Variants in FLYWCH2 observed in about 807,000 individuals in gnomAD.
FLYWCH2 encodes FLYWCH family member 2.
Under a neutral mutation model 6.0 loss-of-function variants are expected in FLYWCH2, and 2 were observed. The ratio of observed to expected loss-of-function variants is 0.33; its 90% CI spans 0.14 to 1.04. The LOEUF (loss-of-function observed/expected upper bound fraction) is 1.04, where lower values mean the gene tolerates loss of function less well. Among genes scored for constraint, FLYWCH2 ranks in the 50% least tolerant of loss-of-function variants. The pLI, the probability that FLYWCH2 is intolerant of heterozygous loss-of-function variation, is 0.45. For synonymous variants in FLYWCH2, 87 were observed against 79.3 expected (o/e 1.10, Z -0.52); for missense variants, 192 against 183.4 (o/e 1.05, Z -0.27).
chr16:2,884,562 A>AAAAAAAAAAC lies in FLYWCH2; in HGVS notation c.-200+1205_-200+1206insCAAAAAAAAA, dbSNP rs2069675417. Among the ~76,000 whole-genome samples the AAAAAAAAAAC allele has an allele frequency of 1.4e-5, 2 of 141,518 alleles. 1 individual carries two copies. Among genetic ancestry groups the AAAAAAAAAAC allele is most frequent in the Non-Finnish European group, 3.1e-5 (2 of 64,634 alleles). The allele number at this position is 141,518 out of a possible 152,430, so 92.8% of individuals were successfully genotyped here. A position where few individuals can be genotyped will look rare whatever the true frequency, so the allele number is the denominator to read the frequency against. On this transcript the variant is annotated intron_variant, in intron 1 of 3. Coordinates refer to ENST00000396958, the MANE Select transcript of FLYWCH2 (RefSeq NM_138439.3). ...ATGGTGAAACCCCGTCTCTACTAAAAAAAAAAAAAAAAAAATACAAAAATT... is the reference window on the plus strand; with the variant it reads ...ATGGTGAAACCCCGTCTCTACTAAAAAAAAAAAAACAAAAAAAAAAAAAAATACAAAAATT...
chr16:2,899,251 A>T lies in FLYWCH2; in HGVS notation c.*102A>T. The T allele has an allele frequency of 1.8e-6, 1 of 548,316 alleles. No individual in the cohort carries two copies. Among genetic ancestry groups the T allele is most frequent in the Non-Finnish European group, 3.0e-6 (1 of 330,534 alleles). 34.0% of individuals were successfully genotyped at this position (548,316 alleles called of 1,614,324 possible). On this transcript the variant is annotated 3_prime_UTR_variant, in exon 4 of 4. Transcript: ENST00000396958. ...AAATGGGTGAATCTTTGCTTTTAAC[A>T]TTGTGTGATTTCTTTTCTTTTTTTT...
intron 1 of FLYWCH2, among the ~76,000 whole-genome samples, chr16:2,884,559 A>AAAAAAAAAAAAAAC (rs2069675225): frequency 2.7e-5 from 1 of 36,784 alleles, no homozygotes; most frequent in South Asian, 9.1e-4. Context: ...CGTCTCTACT[A>AAAAAAAAAAAAAAC]AAAAAAAAAA....
At chr16:2,893,724 G>A (rs1007363755) in intron 1 of FLYWCH2, among the ~76,000 whole-genome samples, 1 of 141,124 alleles carries the variant, frequency 7.1e-6, no homozygotes, top group Non-Finnish European at 1.5e-5. Context: ...TGCAAGCTCC[G>A]CCTCCCAGGT....
chr16:2,884,615 C>T (rs542801810), intron 1 of FLYWCH2, among the ~76,000 whole-genome samples: 4 of 149,256 alleles, frequency 2.7e-5, no homozygotes, highest in Non-Finnish European at 5.9e-5. Context: ...TGGCTCACGC[C>T]TGTAATCCCA....
At chr16:2,893,865 C>G (rs890394204) in intron 1 of FLYWCH2, among the ~76,000 whole-genome samples, 5 of 151,900 alleles carry the variant, frequency 3.3e-5, no homozygotes, top group African/African-American at 1.2e-4. Flanking sequence ...GTCTCGATCT[C>G]CTGACCTTGT....
intron 1 of FLYWCH2, among the ~76,000 whole-genome samples, chr16:2,889,052 C>A (rs779179871): frequency 6.6e-6 from 1 of 151,830 alleles, no homozygotes; most frequent in Non-Finnish European, 1.5e-5. Context: ...TTTTCCAGAA[C>A]GCATAAAAAT....
chr16:2,894,808 C>T (rs1030908308), intron 1 of FLYWCH2, among the ~76,000 whole-genome samples: 5 of 152,194 alleles, frequency 3.3e-5, no homozygotes, highest in African/African-American at 1.2e-4. Flanking sequence ...GTACTCCAGT[C>T]CTGCATCCTT....
At chr16:2,884,180 G>A (rs1229959948) in intron 1 of FLYWCH2, among the ~76,000 whole-genome samples, 1 of 152,164 alleles carries the variant, frequency 6.6e-6, no homozygotes, top group Non-Finnish European at 1.5e-5. Flanking sequence ...TCTATTAACA[G>A]CCCCTGATAA....
At chr16:2,893,623 T>C (rs1167987087) in intron 1 of FLYWCH2, among the ~76,000 whole-genome samples, 1 of 149,100 alleles carries the variant, frequency 6.7e-6, no homozygotes, top group African/African-American at 2.5e-5. Context: ...TTGGGGCCCT[T>C]TTCTTTTCTT....
chr16:2,889,473 G>A (rs1200588814), intron 1 of FLYWCH2, among the ~76,000 whole-genome samples: 5 of 151,446 alleles, frequency 3.3e-5, no homozygotes, highest in Non-Finnish European at 5.9e-5. Flanking sequence ...GCCTCCCAAA[G>A]TGCTGGGATT....
intron 1 of FLYWCH2, among the ~76,000 whole-genome samples, chr16:2,890,779 C>T (rs2150846188): frequency 6.6e-6 from 1 of 152,158 alleles, no homozygotes; most frequent in Admixed American, 6.6e-5. Flanking sequence ...GTTAGCCAGG[C>T]TGATCTTGAC....
intron 1 of FLYWCH2, among the ~76,000 whole-genome samples, chr16:2,884,562 A>AAAAAAAAAAAAAC (rs1555476290): frequency 4.2e-5 from 6 of 141,602 alleles, no homozygotes; most frequent in East Asian, 2.0e-4. Context: ...CTCTACTAAA[A>AAAAAAAAAAAAAC]AAAAAAAAAA....
At chr16:2,895,083 C>G (rs2069803175) in intron 1 of FLYWCH2, 137 bp from the exon 2 acceptor site, 1 of 152,266 alleles carries the variant, frequency 6.6e-6, no homozygotes, top group Non-Finnish European at 1.5e-5. Flanking sequence ...CTGCCCACCA[C>G]CCAGTTGACC....
At chr16:2,890,477 C>T (rs1422334873) in intron 1 of FLYWCH2, among the ~76,000 whole-genome samples, 2 of 150,380 alleles carry the variant, frequency 1.3e-5, no homozygotes, top group Admixed American at 1.3e-4. Context: ...TGCAGTGGCG[C>T]GATCTTGGCT....
intron 1 of FLYWCH2, among the ~76,000 whole-genome samples, chr16:2,886,309 C>A (rs559258949): frequency 6.6e-6 from 1 of 152,080 alleles, no homozygotes; most frequent in Non-Finnish European, 1.5e-5. Flanking sequence ...TCATGCTGCG[C>A]AGCCTCCTGA....
chr16:2,890,241 T>C (rs1377357909), intron 1 of FLYWCH2, among the ~76,000 whole-genome samples: 1 of 135,458 alleles, frequency 7.4e-6, no homozygotes, highest in African/African-American at 2.7e-5. Flanking sequence ...TTTTTTTTTT[T>C]GTTTTTGTTG....
chr16:2,893,653 T>C (rs2069784579), intron 1 of FLYWCH2, among the ~76,000 whole-genome samples: 1 of 146,900 alleles, frequency 6.8e-6, no homozygotes, highest in Non-Finnish European at 1.5e-5. Context: ...TTTTTTTTTT[T>C]TTGAAACGGA....
At position 2,889,081 on chromosome 16, in the gene FLYWCH2, C is replaced by G. The variant is rs993686567; in HGVS notation, c.-200+5715C>G. ...TAAAAATGATTCATAAAACACAGTTCCTACCAGGCAACCTTTGTCAGGGCC... is the reference window on the plus strand; with the variant it reads ...TAAAAATGATTCATAAAACACAGTTGCTACCAGGCAACCTTTGTCAGGGCC... On this transcript the variant is annotated intron_variant, in intron 1 of 3. Coordinates refer to ENST00000396958, the MANE Select transcript of FLYWCH2 (RefSeq NM_138439.3). Among the ~76,000 whole-genome samples the G allele has an allele frequency of 2.6e-5, 4 of 151,278 alleles. No individual in the cohort carries two copies. The South Asian group carries it at 6.2e-4, about 24-fold the overall frequency.
At chr16:2,887,847 A>G (rs2069715750) in intron 1 of FLYWCH2, among the ~76,000 whole-genome samples, 1 of 152,110 alleles carries the variant, frequency 6.6e-6, no homozygotes, top group South Asian at 2.1e-4. Flanking sequence ...AATTACAAGC[A>G]TGAGCCACCA....
Sources: allele counts gnomAD v4.1 joint callset (sites outside exome capture counted in the v4.1 genomes callset), GRCh38; gene constraint gnomAD v4.1.1; transcripts MANE v1.5; gene names NCBI Gene and HGNC (gene_info 2026-07-23, HGNC 2026-07-21).